The following RAB3GAP1 variants were observed in gnomAD, a reference collection of about 807,000 sequenced individuals.
RAB3GAP1 encodes the protein RAB3 GTPase activating protein catalytic subunit 1.
A neutral mutation model predicts 130.7 loss-of-function variants in RAB3GAP1; 86 were observed. That is an observed-to-expected ratio of 0.66 (90% confidence interval 0.55 to 0.79). The LOEUF is 0.79. Among genes scored for constraint, RAB3GAP1 ranks in the 30% least tolerant of loss-of-function variants. The pLI is 0.00. For synonymous variants in RAB3GAP1, 367 were observed against 401.7 expected (o/e 0.91, Z 1.03); for missense variants, 1,029 against 1,169.4 (o/e 0.88, Z 1.75).
intron 5 of RAB3GAP1, among the ~76,000 whole-genome samples, chr2:135,108,873 G>A (rs1441687045): frequency 1.3e-5 from 2 of 152,102 alleles, no homozygotes; most frequent in African/African-American, 4.8e-5. Flanking sequence ...AGAATGTAAA[G>A]CCTATCTAGA....
intron 17 of RAB3GAP1, among the ~76,000 whole-genome samples, chr2:135,150,043 TATC>T (rs1692129866): frequency 1.3e-5 from 2 of 152,170 alleles, no homozygotes; most frequent in Non-Finnish European, 2.9e-5. Context: ...TATATAATAA[TATC>T]ATTAGGACTT....
At chr2:135,106,432 G>A (rs1159105620) in intron 5 of RAB3GAP1, among the ~76,000 whole-genome samples, 2 of 152,224 alleles carry the variant, frequency 1.3e-5, no homozygotes, top group East Asian at 1.9e-4. Flanking sequence ...TCTGCCTTGG[G>A]ATGCTGTTAA....
intron 19 of RAB3GAP1, among the ~76,000 whole-genome samples, chr2:135,160,666 C>A (rs1368292243): frequency 6.6e-5 from 8 of 121,694 alleles, no homozygotes; most frequent in African/African-American, 2.9e-4. Context: ...CAGAGAAAGA[C>A]CCTGTCTCAA....
chr2:135,054,454 C>G (rs1387486883), intron 2 of RAB3GAP1, among the ~76,000 whole-genome samples: 3 of 152,020 alleles, frequency 2.0e-5, no homozygotes, highest in Non-Finnish European at 2.9e-5. Context: ...CAAAGGGAAC[C>G]TAGAAGGGAG....
chr2:135,106,108 C>A lies in RAB3GAP1; in HGVS notation c.363-7043C>A, dbSNP rs534766298. ...CCCATCCGGGAGGTGGGGGTCAGCC[C>A]CCGCCCTGCCAGCCGCCCCGTCCAG... On this transcript the variant is annotated intron_variant, in intron 5 of 23. Coordinates refer to ENST00000264158, the MANE Select transcript of RAB3GAP1 (RefSeq NM_012233.3). 1.9e-4 allele frequency among the ~76,000 whole-genome samples: 29 copies of A among 152,116 alleles called. 1 individual carries two copies. Among genetic ancestry groups the A allele is most frequent in the Admixed American group, 1.7e-3 (26 of 15,290 alleles).
intron 17 of RAB3GAP1, among the ~76,000 whole-genome samples, chr2:135,141,317 C>T (rs371525452): frequency 2.0e-4 from 30 of 150,738 alleles, no homozygotes; most frequent in Non-Finnish European, 3.5e-4. Context: ...CTGAGTCTTC[C>T]GGGTTCAAGC....
chr2:135,064,042 T>C (rs1424851969), intron 3 of RAB3GAP1, among the ~76,000 whole-genome samples: 1 of 152,204 alleles, frequency 6.6e-6, no homozygotes, highest in African/African-American at 2.4e-5. Flanking sequence ...TTCTGTTCTC[T>C]GGAGTTTCTA....
At chr2:135,113,631 T>G (rs1213048131) in intron 6 of RAB3GAP1, among the ~76,000 whole-genome samples, 1 of 152,202 alleles carries the variant, frequency 6.6e-6, no homozygotes, top group East Asian at 1.9e-4. Flanking sequence ...TGTACCTTAC[T>G]TCCATTTTCT....
chr2:135,162,695 A>T (rs1573612421), intron 20 of RAB3GAP1, 44 bp downstream of exon 20: 1 of 1,606,854 alleles, frequency 6.2e-7, no homozygotes, highest in Non-Finnish European at 8.5e-7. Flanking sequence ...TCCAAAGTGA[A>T]AGTATATTTT....
At chr2:135,068,677 G>C (rs996702210) in intron 3 of RAB3GAP1, among the ~76,000 whole-genome samples, 6 of 152,044 alleles carry the variant, frequency 3.9e-5, no homozygotes, top group African/African-American at 1.4e-4. Context: ...CATTTGAACC[G>C]GGGAGGCAGA....
intron 19 of RAB3GAP1, among the ~76,000 whole-genome samples, chr2:135,161,549 A>G (rs1330770296): frequency 6.6e-6 from 1 of 152,154 alleles, no homozygotes; most frequent in Non-Finnish European, 1.5e-5. Context: ...CTGGGGATGG[A>G]GGGTACACAG....
At position 135,120,107 on chromosome 2, in the gene RAB3GAP1, C is replaced by T. The variant is rs545852998; in HGVS notation, c.649-712C>T. Among the ~76,000 whole-genome samples, 4 of 152,238 alleles carry T rather than the reference C, an allele frequency of 2.6e-5. No individual in the cohort carries two copies. The East Asian group carries it at 7.7e-4, about 29-fold the overall frequency. On this transcript the variant is annotated intron_variant, in intron 7 of 23. Transcript: ENST00000264158. ...TCATTTAAAAGAAAAGACATCCTCT[C>T]CCCAAACCAAGTCTTATGCTTTATA...
rs1395762017 is a variant in RAB3GAP1, at chr2:135,091,143, T to A, written c.283+13T>A. On this transcript the variant is annotated intron_variant, in intron 4 of 23. Transcript: ENST00000264158. The stretch of plus-strand genomic sequence containing the variant: ...GAGTTATTAGAGGGTAAGTTATTTC[T>A]ATATAATAATATTAACTTCTGATTT... The A allele has an allele frequency of 6.5e-7, 1 of 1,550,178 alleles. No individual in the cohort carries two copies. The highest frequency in any genetic ancestry group is 8.9e-7 in the Non-Finnish European group (1 of 1,125,088).
chr2:135,133,038 G>T, intron 14 of RAB3GAP1, 54 bp downstream of exon 14: 1 of 1,069,400 alleles, frequency 9.4e-7, no homozygotes, highest in Non-Finnish European at 1.5e-6. Context: ...TGAATTTCTA[G>T]AGGTTCTATA....
intron 17 of RAB3GAP1, chr2:135,136,848 A>C: frequency 2.5e-6 from 1 of 404,632 alleles, no homozygotes; most frequent in Non-Finnish European, 4.0e-6. Flanking sequence ...CAAGCCCCAC[A>C]CCAAGGTGGG....
intron 17 of RAB3GAP1, chr2:135,136,947 G>A (rs1303151386): frequency 4.2e-6 from 1 of 237,334 alleles, no homozygotes; most frequent in African/African-American, 2.3e-5. Flanking sequence ...AATTAGCTGA[G>A]TATTGGGGCA....
chr2:135,133,785 C>A (rs1270148189), intron 14 of RAB3GAP1, 76 bp from the exon 15 acceptor site: 2 of 1,305,150 alleles, frequency 1.5e-6, no homozygotes, highest in Non-Finnish European at 2.2e-6. Context: ...TAAAATCTCT[C>A]CCTACGACCT....
At chr2:135,146,832 G>A (rs1318261893) in intron 17 of RAB3GAP1, among the ~76,000 whole-genome samples, 2 of 151,842 alleles carry the variant, frequency 1.3e-5, no homozygotes, top group South Asian at 2.1e-4. Context: ...AGGTTTAGTC[G>A]TATTCCCTTG....
At chr2:135,101,609 A>G (rs1042789778) in intron 5 of RAB3GAP1, among the ~76,000 whole-genome samples, 5 of 152,174 alleles carry the variant, frequency 3.3e-5, no homozygotes, top group Admixed American at 1.3e-4. Flanking sequence ...CAGTTTTCAT[A>G]TCAAGCACCT....
Sources: gnomAD v4.1 joint callset for allele counts (sites outside exome capture counted in the v4.1 genomes callset) on GRCh38, gnomAD v4.1.1 for gene constraint, MANE v1.5 for transcripts, NCBI Gene and HGNC (gene_info 2026-07-23, HGNC 2026-07-21) for gene names.